The following GRM7 variants were observed in gnomAD, a reference collection of about 807,000 sequenced individuals.
GRM7 encodes metabotropic glutamate receptor 7.
In GRM7, 35 loss-of-function variants were observed where a neutral mutation model predicts 84.5. That is an observed-to-expected ratio of 0.41 (90% CI 0.32 to 0.55). The LOEUF is 0.55. Ranked by LOEUF, GRM7 falls within the 20% of genes least tolerant of loss-of-function variation. The pLI is 0.19. For synonymous variants in GRM7, 487 were observed against 455.1 expected (o/e 1.07, Z -0.89); for missense variants, 1,003 against 1,194.6 (o/e 0.84, Z 2.36).
At chr3:7,014,961 T>C (rs548770980) in intron 1 of GRM7, among the ~76,000 whole-genome samples, 11 of 152,238 alleles carry the variant, frequency 7.2e-5, no homozygotes, top group African/African-American at 2.6e-4. Context: ...GTTTGTAAAA[T>C]GTGCCAATCA....
chr3:7,042,991 G>T (rs182509466), intron 1 of GRM7, among the ~76,000 whole-genome samples: 12 of 152,154 alleles, frequency 7.9e-5, no homozygotes, highest in South Asian at 6.2e-4. Context: ...TTTGACAGGC[G>T]ATCTAGATCA....
chr3:6,868,576 T>C (rs1695014229), intron 1 of GRM7, among the ~76,000 whole-genome samples: 10 of 152,170 alleles, frequency 6.6e-5, no homozygotes. Flanking sequence ...TGTTTCATCT[T>C]GTCTTGATTC....
At chr3:6,988,438 C>T (rs1247762524) in intron 1 of GRM7, among the ~76,000 whole-genome samples, 6 of 152,048 alleles carry the variant, frequency 3.9e-5, no homozygotes, top group Non-Finnish European at 7.4e-5. Flanking sequence ...TGCTCAATCA[C>T]TAAGGGCATT....
chr3:7,029,323 A>C (rs571898799), intron 1 of GRM7, among the ~76,000 whole-genome samples: 5 of 150,640 alleles, frequency 3.3e-5, no homozygotes, highest in East Asian at 1.9e-4. Context: ...AACAAAAAAA[A>C]AAAACAAACA....
chr3:7,340,432 A>G (rs1701595147), intron 4 of GRM7, among the ~76,000 whole-genome samples: 1 of 152,078 alleles, frequency 6.6e-6, no homozygotes, highest in South Asian at 2.1e-4. Flanking sequence ...AAGCAAAGAG[A>G]GGAGAGCCCC....
intron 4 of GRM7, among the ~76,000 whole-genome samples, chr3:7,374,509 A>T (rs1272025237): frequency 6.6e-6 from 1 of 151,864 alleles, no homozygotes; most frequent in East Asian, 1.9e-4. Context: ...ATGGAGTTTC[A>T]TTCTTGTTGC....
At chr3:7,288,378 G>A (rs552359938) in intron 2 of GRM7, among the ~76,000 whole-genome samples, 1 of 152,084 alleles carries the variant, frequency 6.6e-6, no homozygotes, top group Non-Finnish European at 1.5e-5. Flanking sequence ...GGAATGTGAT[G>A]CAGGAAAGAG....
intron 9 of GRM7, among the ~76,000 whole-genome samples, chr3:7,719,779 A>AACACACACACACACACAC (rs71043692): frequency 2.2e-4 from 30 of 133,540 alleles, no homozygotes; most frequent in South Asian, 5.3e-4. Flanking sequence ...ACCACTGGGC[A>AACACACACACACACACAC]ACACACACAC....
chr3:7,015,286 C>T (rs1012222976), intron 1 of GRM7, among the ~76,000 whole-genome samples: 1 of 152,156 alleles, frequency 6.6e-6, no homozygotes, highest in African/African-American at 2.4e-5. Flanking sequence ...TCCGTGGCTT[C>T]ATTCTTGAAG....
chr3:7,112,871 T>C (rs1692907157), intron 1 of GRM7, among the ~76,000 whole-genome samples: 1 of 152,164 alleles, frequency 6.6e-6, no homozygotes, highest in African/African-American at 2.4e-5. Context: ...CATCAAACAA[T>C]AGGACTACCA....
chr3:7,132,454 T>C (rs986638593), intron 1 of GRM7, among the ~76,000 whole-genome samples: 1 of 152,188 alleles, frequency 6.6e-6, no homozygotes, highest in Non-Finnish European at 1.5e-5. Context: ...AAAAGTCATA[T>C]GCTACTGATG....
intron 1 of GRM7, among the ~76,000 whole-genome samples, chr3:7,116,777 A>C (rs1693047981): frequency 6.6e-6 from 1 of 152,150 alleles, no homozygotes. Context: ...ATTTTGTTGC[A>C]AAATAACTTC....
intron 9 of GRM7, among the ~76,000 whole-genome samples, chr3:7,729,270 G>T (rs992977925): frequency 3.3e-5 from 5 of 152,090 alleles, no homozygotes; most frequent in Non-Finnish European, 7.3e-5. Context: ...GGTCAAAAAG[G>T]GTGATGCCCT....
chr3:7,324,029 C>G (rs190276371), intron 4 of GRM7, among the ~76,000 whole-genome samples: 5 of 152,086 alleles, frequency 3.3e-5, no homozygotes, highest in African/African-American at 1.2e-4. Flanking sequence ...TGCCTTCCCT[C>G]AAAGGTGTAA....
At chr3:7,474,152 A>G (rs1415982080) in intron 7 of GRM7, among the ~76,000 whole-genome samples, 2 of 152,202 alleles carry the variant, frequency 1.3e-5, no homozygotes, top group Non-Finnish European at 2.9e-5. Flanking sequence ...TTTCAGAACC[A>G]AAATAGCACA....
chr3:7,385,408 C>G (rs1694748247), intron 4 of GRM7, among the ~76,000 whole-genome samples: 5 of 147,684 alleles, frequency 3.4e-5, no homozygotes. Context: ...TCACGCCATT[C>G]TCCTGCCTCA....
At chr3:6,984,324 A>T (rs886876201) in intron 1 of GRM7, among the ~76,000 whole-genome samples, 2 of 152,198 alleles carry the variant, frequency 1.3e-5, no homozygotes, top group African/African-American at 4.8e-5. Context: ...GCAGAGTGCA[A>T]AAGTGTTGGG....
chr3:7,127,418 C>T (rs1480884062), intron 1 of GRM7, among the ~76,000 whole-genome samples: 1 of 152,180 alleles, frequency 6.6e-6, no homozygotes, highest in East Asian at 1.9e-4. Context: ...ACCCTAATAA[C>T]CTGAATGACA....
chr3:6,966,120 T>G (rs1166433394), intron 1 of GRM7, among the ~76,000 whole-genome samples: 1 of 152,176 alleles, frequency 6.6e-6, no homozygotes, highest in Non-Finnish European at 1.5e-5. Flanking sequence ...CCCAGGTCCT[T>G]CCGATGTTAA....
Sources: gnomAD v4.1 joint callset for allele counts (sites outside exome capture counted in the v4.1 genomes callset) on GRCh38, gnomAD v4.1.1 for gene constraint, MANE v1.5 for transcripts, NCBI Gene and HGNC (gene_info 2026-07-23, HGNC 2026-07-21) for gene names.